Variants in SLC15A1 observed in about 807,000 individuals in gnomAD.
The protein encoded by SLC15A1 is solute carrier family 15 member 1.
In SLC15A1, 83 loss-of-function variants were observed where a neutral mutation model predicts 92.9. That is an observed-to-expected ratio of 0.89 (90% CI 0.75 to 1.07). The LOEUF (loss-of-function observed/expected upper bound fraction) is 1.07, where lower values mean the gene tolerates loss of function less well. Ranked by LOEUF, SLC15A1 falls within the 50% of genes least tolerant of loss-of-function variation. The pLI, the probability that SLC15A1 is intolerant of heterozygous loss-of-function variation, is 0.00. For missense variants in SLC15A1, 857 were observed against 880.1 expected (o/e 0.97, Z 0.33); for synonymous variants, 322 against 318.2 (o/e 1.01, Z -0.13).
intron 5 of SLC15A1, among the ~76,000 whole-genome samples, chr13:98,722,249 C>T (rs1006573481): frequency 2.8e-4 from 43 of 152,104 alleles, no homozygotes; most frequent in Non-Finnish European, 4.9e-4. Flanking sequence ...AGCATTGTGC[C>T]TGGTACAGTC....
chr13:98,691,065 A>G (rs2087971220), intron 18 of SLC15A1, among the ~76,000 whole-genome samples: 1 of 151,256 alleles, frequency 6.6e-6, no homozygotes, highest in African/African-American at 2.4e-5. Context: ...TTTTTTTGAG[A>G]TGGATTCTCA....
rs775468464 is a variant in SLC15A1 at position 98,711,894 on chromosome 13, T to C, written c.860A>G (p.Tyr287Cys). 2.7e-5 allele frequency: 44 copies of C among 1,613,552 alleles called. No homozygotes were observed. Among genetic ancestry groups the C allele is most frequent in the East Asian group, 4.5e-5 (2 of 44,888 alleles). The change falls in exon 11 of 23, where the codon TAT (tyrosine) becomes TGT (cysteine). Residue 287 changes from tyrosine to cysteine, a missense_variant. Tyr to Cys is a radical substitution (Grantham distance 194). Coordinates refer to ENST00000376503, the MANE Select transcript of SLC15A1 (RefSeq NM_005073.4). ...IKMVTRVMFLYIPLPMFWALF... is the reference protein window; with the variant it reads ...IKMVTRVMFLCIPLPMFWALF... ...GGCCCAGAACATTGGGAGTGGAATA[T>C]ACAGGAACATCACCCTCGTAACCAT...
At chr13:98,721,927 C>T (rs780414117) in intron 5 of SLC15A1, 24 bp from the exon 6 acceptor site, 10 of 1,594,462 alleles carry the variant, frequency 6.3e-6, no homozygotes, top group South Asian at 4.5e-5. Flanking sequence ...GGTGTTAGGG[C>T]CAACATGGCA....
Position 98,684,460 on chromosome 13 carries a change from A to G in SLC15A1, c.*264T>C. The G allele has an allele frequency of 7.5e-6, 2 of 265,686 alleles. No individual in the cohort carries two copies. The highest frequency in any genetic ancestry group is 1.4e-5 in the Non-Finnish European group (2 of 142,788). 16.5% of individuals were successfully genotyped at this position (265,686 alleles called of 1,614,324 possible). On this transcript the variant is annotated 3_prime_UTR_variant, in exon 23 of 23. Transcript: ENST00000376503. ...CTCGGGAGGCTGAGGCAGGAGAATT[A>G]CTTGAACCTGGGAGGCGGAGGTTGC...
chr13:98,693,154 A>G (rs372590741), intron 18 of SLC15A1, among the ~76,000 whole-genome samples: 1 of 121,718 alleles, frequency 8.2e-6, no homozygotes, highest in East Asian at 2.4e-4. Context: ...CTGGAGAGCC[A>G]TGGCACAGTC....
intron 16 of SLC15A1, among the ~76,000 whole-genome samples, chr13:98,705,436 C>G (rs1280644298): frequency 6.6e-6 from 1 of 152,182 alleles, no homozygotes; most frequent in Admixed American, 6.5e-5. Flanking sequence ...CAGCAGCATA[C>G]TCCCAGTTGC....
At chr13:98,722,968 T>C (rs935074618) in intron 5 of SLC15A1, among the ~76,000 whole-genome samples, 3 of 152,204 alleles carry the variant, frequency 2.0e-5, no homozygotes, top group Non-Finnish European at 2.9e-5. Flanking sequence ...ACAACAGTCC[T>C]ACACGAAGTA....
chr13:98,743,430 T>C (rs909546060), intron 1 of SLC15A1, among the ~76,000 whole-genome samples: 2 of 152,182 alleles, frequency 1.3e-5, no homozygotes, highest in African/African-American at 2.4e-5. Context: ...GCATGAATCT[T>C]TGAACGCCAT....
Position 98,686,316 on chromosome 13 carries a change from GTGAGT to G in SLC15A1, c.1828-24_1828-20del. 1 of 1,558,254 alleles carries G rather than the reference GTGAGT, an allele frequency of 6.4e-7. No individual in the cohort carries two copies. The highest frequency in any genetic ancestry group is 8.8e-7 in the Non-Finnish European group (1 of 1,137,316). On this transcript the variant is annotated intron_variant, in intron 21 of 22. Coordinates refer to ENST00000376503, the MANE Select transcript of SLC15A1 (RefSeq NM_005073.4). Reference sequence around the variant, plus strand: ...AAGGAGCCTGAGGAAGCAAAGCAAAGTGAGTCCTGCTCCAGGTCTCACCCTCCGAG... The same window carrying G: ...AAGGAGCCTGAGGAAGCAAAGCAAAGCCTGCTCCAGGTCTCACCCTCCGAG...
intron 1 of SLC15A1, among the ~76,000 whole-genome samples, chr13:98,743,516 T>C (rs1054896287): frequency 3.3e-5 from 5 of 152,166 alleles, no homozygotes; most frequent in African/African-American, 1.2e-4. Flanking sequence ...TGACAGACAG[T>C]TGATTTCCAA....
At chr13:98,738,031 T>C (rs1333594184) in intron 1 of SLC15A1, among the ~76,000 whole-genome samples, 1 of 152,248 alleles carries the variant, frequency 6.6e-6, no homozygotes, top group African/African-American at 2.4e-5. Flanking sequence ...ATTGTGTCCA[T>C]GCCCTAGGAA....
rs1360391339 is a variant in SLC15A1 at position 98,752,612 on chromosome 13, AG to A, written c.-15del. 6 of 1,253,494 alleles carry A rather than the reference AG, an allele frequency of 4.8e-6. No homozygotes were observed. The highest frequency in any genetic ancestry group is 6.0e-6 in the Non-Finnish European group (6 of 998,834). 77.6% of individuals were successfully genotyped at this position (1,253,494 alleles called of 1,614,324 possible). On this transcript the variant is annotated 5_prime_UTR_variant, in exon 1 of 23. Coordinates refer to ENST00000376503, the MANE Select transcript of SLC15A1 (RefSeq NM_005073.4). Reference sequence around the variant, plus strand: ...GAGCGTACCCATGGCGGCGGCTCCCAGGGCTCCTGCGACCTGCCGGCGGGAC... The same window carrying A: ...GAGCGTACCCATGGCGGCGGCTCCCAGGCTCCTGCGACCTGCCGGCGGGAC...
intron 1 of SLC15A1, among the ~76,000 whole-genome samples, chr13:98,742,659 C>T (rs1335986695): frequency 2.0e-5 from 3 of 152,146 alleles, no homozygotes; most frequent in African/African-American, 4.8e-5. Flanking sequence ...GCTTTGAGGC[C>T]CAGCTTTGGT....
chr13:98,731,364 C>G lies in SLC15A1; in HGVS notation c.5-4505G>C, dbSNP rs2088349157. 2.0e-5 allele frequency among the ~76,000 whole-genome samples: 3 copies of G among 152,218 alleles called. No individual in the cohort carries two copies. The South Asian group carries it at 6.2e-4, about 31-fold the overall frequency. On this transcript the variant is annotated intron_variant, in intron 1 of 22. Coordinates refer to ENST00000376503, the MANE Select transcript of SLC15A1 (RefSeq NM_005073.4). The stretch of plus-strand genomic sequence containing the variant: ...TGTGTTTTGCAAGCTCGGTGCAAAC[C>G]AGCCTGAAGGTGCAAAGCGTCATTG...
In SLC15A1 at chr13:98,692,853, C is replaced by T. The variant is rs113404763; in HGVS notation, c.1467-4276G>A. Among the ~76,000 whole-genome samples, 565 of 152,062 alleles carry T rather than the reference C, an allele frequency of 3.7e-3. 1 individual carries two copies. The highest frequency in any genetic ancestry group is 5.9e-3 in the Non-Finnish European group (401 of 67,984). On this transcript the variant is annotated intron_variant, in intron 18 of 22. Coordinates refer to ENST00000376503, the MANE Select transcript of SLC15A1 (RefSeq NM_005073.4). Reference sequence around the variant, plus strand: ...CTCGACCTCCCGGGGCTCAGGTGATCCTCCCACCTCAGCTTCCCGAGTAGC... The same window carrying T: ...CTCGACCTCCCGGGGCTCAGGTGATTCTCCCACCTCAGCTTCCCGAGTAGC...
chr13:98,728,999 A>AC (rs914989083), intron 1 of SLC15A1, among the ~76,000 whole-genome samples: 1 of 147,284 alleles, frequency 6.8e-6, no homozygotes, highest in Non-Finnish European at 1.5e-5. Context: ...AAAAAAAAAA[A>AC]AAAAAAACAA....
chr13:98,726,143 G>C lies in SLC15A1; in HGVS notation c.225C>G (p.Asp75Glu). 6.2e-7 allele frequency: 1 copy of C among 1,614,074 alleles called. No homozygotes were observed. The highest frequency in any genetic ancestry group is 8.5e-7 in the Non-Finnish European group (1 of 1,179,990). ...LTPILGALIA[D>E]SWLGKFKTIV... ...CTCACTTGAACTTTCCCAGCCACGA[G>C]TCGGCGATAAGAGCTCCGAGAATTG... is the stretch of plus-strand genomic sequence containing the variant. The change falls in exon 4 of 23, where the codon GAC becomes GAG. Residue 75 changes from aspartate (D) to glutamate (E), a missense_variant. Coordinates refer to ENST00000376503, the MANE Select transcript of SLC15A1 (RefSeq NM_005073.4).
At chr13:98,711,975 C>A in intron 10 of SLC15A1, 32 bp from the exon 11 acceptor site, 2 of 1,512,212 alleles carry the variant, frequency 1.3e-6, no homozygotes, top group South Asian at 2.3e-5. Context: ...GACAAATCAG[C>A]CACACCCTGT....
intron 18 of SLC15A1, among the ~76,000 whole-genome samples, chr13:98,700,628 G>A (rs1442421207): frequency 6.6e-6 from 1 of 150,810 alleles, no homozygotes; most frequent in African/African-American, 2.4e-5. Context: ...TATGTTTCTT[G>A]TATAAATTTT....
Sources: allele counts gnomAD v4.1 joint callset (sites outside exome capture counted in the v4.1 genomes callset), GRCh38; gene constraint gnomAD v4.1.1; transcripts MANE v1.5; gene names NCBI Gene and HGNC (gene_info 2026-07-23, HGNC 2026-07-21).